Variants in RAB5IF observed in about 807,000 individuals in gnomAD.
RAB5IF encodes the protein GEL complex subunit OPTI.
In RAB5IF, 15 loss-of-function variants were observed where a neutral mutation model predicts 20.3. That is an observed-to-expected ratio of 0.74 (90% confidence interval 0.50 to 1.14). The LOEUF (loss-of-function observed/expected upper bound fraction) is 1.14. RAB5IF is among the 50% of genes most tolerant of loss of function. The probability of loss-of-function intolerance (pLI) is 0.00; values close to 1 mark genes in which losing one functional copy is unlikely to be tolerated. For missense variants in RAB5IF, 148 were observed against 159.5 expected (o/e 0.93, Z 0.39); for synonymous variants, 67 against 63.7 (o/e 1.05, Z -0.25).
chr20:36,609,196 C>T lies in RAB5IF; in HGVS notation c.219-405C>T, dbSNP rs1209990953. 1.4e-3 allele frequency among the ~76,000 whole-genome samples: 66 copies of T among 46,620 alleles called. 1 individual carries two copies. The highest frequency in any genetic ancestry group is 2.1e-3 in the Non-Finnish European group (52 of 24,748). The allele number at this position is 46,620 out of a possible 152,430, so 30.6% of individuals were successfully genotyped here. A position where few individuals can be genotyped will look rare whatever the true frequency, so the allele number is the denominator to read the frequency against. ...ACACACACACACACACACACACACG[C>T]ACACACGCACACACGCACACACGCA... On this transcript the variant is annotated intron_variant, in intron 2 of 3. Transcript: ENST00000344795.
chr20:36,609,166 C>CATAT (rs1383041286), intron 2 of RAB5IF, among the ~76,000 whole-genome samples: 1,430 of 11,400 alleles, frequency 0.13, 542 homozygotes, highest in Non-Finnish European at 0.19. Flanking sequence ...TACACACACA[C>CATAT]ACACACACAC....
At chr20:36,609,256 C>CACACACACACACACACACACACACTA (rs1555790839) in intron 2 of RAB5IF, among the ~76,000 whole-genome samples, 2 of 121,580 alleles carry the variant, frequency 1.6e-5, no homozygotes, top group Admixed American at 7.9e-5. Context: ...CACACACACA[C>CACACACACACACACACACACACACTA]TATATATAGA....
rs2147964651 is a variant in RAB5IF at position 36,609,682 on chromosome 20, G to A, written c.300G>A (p.Thr100=). ...LQIDEEEYGG[T]WELTKEGFMT... ...TTGATGAGGAAGAATATGGTGGCAC[G>A]TGGGAGCTCACGAAGGAAGGGTTTA... The change falls in exon 3 of 4, where the codon ACG becomes ACA. Residue 100 remains threonine (T), a synonymous_variant. Coordinates refer to ENST00000344795, the MANE Select transcript of RAB5IF (RefSeq NM_018840.5). 6.8e-6 allele frequency: 11 copies of A among 1,614,222 alleles called. 1 individual carries two copies. The highest frequency in any genetic ancestry group is 6.6e-5 in the South Asian group (6 of 91,086).
At chr20:36,606,176 C>A in intron 1 of RAB5IF, 111 bp downstream of exon 1, 1 of 646,284 alleles carries the variant, frequency 1.5e-6, no homozygotes, top group Non-Finnish European at 2.4e-6. Context: ...TCGAGTAGGG[C>A]AGTGGGGCGG....
At chr20:36,609,228 C>CTAT (rs1568595654) in intron 2 of RAB5IF, among the ~76,000 whole-genome samples, 1 of 125,282 alleles carries the variant, frequency 8.0e-6, no homozygotes, top group African/African-American at 3.4e-5. Context: ...CGCACACACA[C>CTAT]ACACACACAC....
intron 2 of RAB5IF, 70 bp downstream of exon 2, chr20:36,607,888 AG>A: frequency 6.3e-7 from 1 of 1,594,430 alleles, no homozygotes; most frequent in Non-Finnish European, 8.6e-7. Flanking sequence ...TTCCTGTTAC[AG>A]GAAAGGCCAT....
rs2039143344 is a variant in RAB5IF at position 36,612,257 on chromosome 20, A to G, written c.*206A>G. The G allele has an allele frequency of 2.5e-6, 4 of 1,595,562 alleles. No individual in the cohort carries two copies. The highest frequency in any genetic ancestry group is 1.7e-6 in the Non-Finnish European group (2 of 1,163,268). On this transcript the variant is annotated 3_prime_UTR_variant, in exon 4 of 4. Coordinates refer to ENST00000344795, the MANE Select transcript of RAB5IF (RefSeq NM_018840.5). Reference sequence around the variant, plus strand: ...AAAAACCACCCACCTTTGGGGAAGCATTTCTGAATTTATCCATCACCAACC... The same window carrying G: ...AAAAACCACCCACCTTTGGGGAAGCGTTTCTGAATTTATCCATCACCAACC...
chr20:36,609,255 A>T lies in RAB5IF; in HGVS notation c.219-346A>T, dbSNP rs188291675. 4.3e-3 allele frequency among the ~76,000 whole-genome samples: 496 copies of T among 116,484 alleles called. 11 individuals are homozygous for T. The highest frequency in any genetic ancestry group is 0.011 in the African/African-American group (288 of 27,226). The allele number at this position is 116,484 out of a possible 152,430, so 76.4% of individuals were successfully genotyped here. A position where few individuals can be genotyped will look rare whatever the true frequency, so the allele number is the denominator to read the frequency against. Reference sequence around the variant, plus strand: ...CACACACACACACACACACACACACACTATATATAGAGTTTCGCTGTTGCC... The same window carrying T: ...CACACACACACACACACACACACACTCTATATATAGAGTTTCGCTGTTGCC... On this transcript the variant is annotated intron_variant, in intron 2 of 3. Coordinates refer to ENST00000344795, the MANE Select transcript of RAB5IF (RefSeq NM_018840.5).
intron 3 of RAB5IF, among the ~76,000 whole-genome samples, chr20:36,610,789 A>C (rs1469806434): frequency 6.6e-6 from 1 of 152,236 alleles, no homozygotes; most frequent in African/African-American, 2.4e-5. Flanking sequence ...TCCAGACACA[A>C]AAGACCATGT....
At position 36,612,095 on chromosome 20, in the gene RAB5IF, C is replaced by G. The variant is rs1454763012; in HGVS notation, c.*44C>G. The G allele has an allele frequency of 1.2e-6, 2 of 1,614,192 alleles. No homozygotes were observed. Among genetic ancestry groups the G allele is most frequent in the South Asian group, 1.1e-5 (1 of 91,088 alleles). On this transcript the variant is annotated 3_prime_UTR_variant, in exon 4 of 4. Transcript: ENST00000344795. Reference sequence around the variant, plus strand: ...TGCTCCCTATCCAGTCCAAAGGACCCTCTTGATTACAGCACAGGAACTTGA... The same window carrying G: ...TGCTCCCTATCCAGTCCAAAGGACCGTCTTGATTACAGCACAGGAACTTGA...
intron 2 of RAB5IF, among the ~76,000 whole-genome samples, chr20:36,609,187 A>ACACG (rs1568595389): frequency 2.3e-4 from 12 of 52,742 alleles, no homozygotes; most frequent in Non-Finnish European, 3.3e-4. Flanking sequence ...ACACACACAC[A>ACACG]CACACACGCA....
At chr20:36,606,118 G>T in intron 1 of RAB5IF, 53 bp downstream of exon 1, 1 of 1,125,316 alleles carries the variant, frequency 8.9e-7, no homozygotes, top group Non-Finnish European at 1.2e-6. Flanking sequence ...TGGGACTCGG[G>T]GAACGGAAGA....
At chr20:36,609,240 C>T (rs113551717) in intron 2 of RAB5IF, among the ~76,000 whole-genome samples, 2,051 of 132,926 alleles carry the variant, frequency 0.015, 164 homozygotes, top group African/African-American at 0.061. Flanking sequence ...CACACACACA[C>T]ACACACACAC....
At chr20:36,609,155 TTA>T (rs2039009807) in intron 2 of RAB5IF, among the ~76,000 whole-genome samples, 3 of 25,208 alleles carry the variant, frequency 1.2e-4, no homozygotes, top group Non-Finnish European at 2.8e-4. Context: ...GAGAACTATA[TTA>T]CACACACACA....
At chr20:36,608,069 C>T in intron 2 of RAB5IF, 1 of 907,908 alleles carries the variant, frequency 1.1e-6, no homozygotes, top group East Asian at 4.2e-5. Flanking sequence ...TCTAAAGTGA[C>T]CTCATGCAAG....
rs752350101 is a variant in RAB5IF at position 36,612,374 on chromosome 20, T to TAA, written c.*325_*326dup. ...GCACCTCTGGATTCAGATGAAACAT[T>TAA]AAATTGTCTTCCTCGATTCTCCATC... On this transcript the variant is annotated 3_prime_UTR_variant, in exon 4 of 4. Coordinates refer to ENST00000344795, the MANE Select transcript of RAB5IF (RefSeq NM_018840.5). 66 of 717,108 alleles carry TAA rather than the reference T, an allele frequency of 9.2e-5. No individual in the cohort carries two copies. The highest frequency in any genetic ancestry group is 8.5e-4 in the Admixed American group (33 of 38,630). 44.4% of individuals were successfully genotyped at this position (717,108 alleles called of 1,614,324 possible).
At position 36,612,002 on chromosome 20, in the gene RAB5IF, C is replaced by G; in HGVS notation, c.349-8C>G. ...GTGACCTATGAACAGTGCTTGTCTC[C>G]TCACTAGGTCATTTGGATCATCTTT... On this transcript the variant is annotated splice_region_variant and splice_polypyrimidine_tract_variant and intron_variant, in intron 3 of 3. Coordinates refer to ENST00000344795, the MANE Select transcript of RAB5IF (RefSeq NM_018840.5). The G allele has an allele frequency of 6.2e-7, 1 of 1,614,126 alleles. No individual in the cohort carries two copies. Among genetic ancestry groups the G allele is most frequent in the Non-Finnish European group, 8.5e-7 (1 of 1,180,024 alleles).
In RAB5IF at chr20:36,609,228, C is replaced by CT. The variant is rs1568595654; in HGVS notation, c.219-373_219-372insT. Among the ~76,000 whole-genome samples the CT allele has an allele frequency of 8.3e-4, 104 of 125,266 alleles. 3 individuals are homozygous for CT. Among genetic ancestry groups the CT allele is most frequent in the African/African-American group, 3.4e-3 (100 of 29,040 alleles). 82.2% of individuals were successfully genotyped at this position (125,266 alleles called of 152,430 possible). Reference sequence around the variant, plus strand: ...GCACACACGCACACACGCACACACACACACACACACACACACACACACACA... The same window carrying CT: ...GCACACACGCACACACGCACACACACTACACACACACACACACACACACACA... On this transcript the variant is annotated intron_variant, in intron 2 of 3. Transcript: ENST00000344795.
intron 2 of RAB5IF, among the ~76,000 whole-genome samples, chr20:36,609,156 T>TACATACATACATATAC: frequency 0.037 from 639 of 17,058 alleles, 216 homozygotes; most frequent in South Asian, 0.045. Flanking sequence ...AGAACTATAT[T>TACATACATACATATAC]ACACACACAC....
Sources: gnomAD v4.1 joint callset for allele counts (sites outside exome capture counted in the v4.1 genomes callset) on GRCh38, gnomAD v4.1.1 for gene constraint, MANE v1.5 for transcripts, NCBI Gene and HGNC (gene_info 2026-07-23, HGNC 2026-07-21) for gene names.